Variants in PLA2G4E observed in about 807,000 individuals in gnomAD.
The protein encoded by PLA2G4E is phospholipase A2 group IVE.
PLA2G4E carries 84 observed loss-of-function variants against 109.1 expected under a neutral mutation model. The ratio of observed to expected loss-of-function variants is 0.77; its 90% CI spans 0.65 to 0.92. The LOEUF is 0.92. Ranked by LOEUF, PLA2G4E falls within the 40% of genes least tolerant of loss-of-function variation. PLA2G4E has a pLI of 0.00. For synonymous variants in PLA2G4E, 469 were observed against 436.1 expected, an observed-to-expected ratio of 1.08 and a Z score of -0.94; for missense variants, 1,057 against 1,076.6, an observed-to-expected ratio of 0.98 and a Z score of 0.25.
At chr15:42,004,946 C>T in exon 5 of PLA2G4E, 1 of 1,613,278 alleles carries the variant, frequency 6.2e-7, no homozygotes, top group South Asian at 1.1e-5. Flanking sequence ...ACCTCTCCTC[C>T]AGCAGGAACT....
chr15:42,001,213 T>C lies in PLA2G4E; in HGVS notation c.617A>G (p.Gln206Arg), dbSNP rs774500946. 8 of 1,613,112 alleles carry C rather than the reference T, an allele frequency of 5.0e-6. No individual in the cohort carries two copies. In the Admixed American group the frequency reaches 1.2e-4, roughly 24 times the overall value. The stretch of plus-strand genomic sequence containing the variant: ...TGCATGAACCTCCAGGCAGGAGACT[T>C]GTCGAGACTGTAAAAAACAAAGGAG... The change falls in exon 7 of 20, where the codon CAA becomes CGA. Residue 206 changes from glutamine to arginine, a missense_variant. Gln to Arg is a conservative substitution (Grantham distance 43). Coordinates refer to ENST00000399518, the Ensembl canonical transcript of PLA2G4E.
chr15:41,989,574 G>A (rs1271815809), intron 14 of PLA2G4E, 22 bp from the exon 15 acceptor site: 7 of 1,607,442 alleles, frequency 4.4e-6, no homozygotes, highest in Admixed American at 1.7e-5. Flanking sequence ...GCAGCAGGAC[G>A]GGGGTCAGTC....
chr15:42,018,502 T>C (rs1418548211), intron 1 of PLA2G4E, among the ~76,000 whole-genome samples: 1 of 152,042 alleles, frequency 6.6e-6, no homozygotes, highest in Non-Finnish European at 1.5e-5. Context: ...CATTCATCCT[T>C]CATGAGGGCA....
chr15:41,991,322 T>C (rs764662832), intron 13 of PLA2G4E, among the ~76,000 whole-genome samples: 2 of 152,236 alleles, frequency 1.3e-5, no homozygotes, highest in African/African-American at 4.8e-5. Context: ...CCTCATCATA[T>C]GCGGCACTCA....
intron 13 of PLA2G4E, among the ~76,000 whole-genome samples, chr15:41,991,165 A>G (rs1379888257): frequency 1.3e-5 from 2 of 152,150 alleles, no homozygotes; most frequent in African/African-American, 4.8e-5. Context: ...AGGTGGCCCA[A>G]GGGAAAGGGG....
chr15:42,008,542 C>A (rs2068500897), intron 2 of PLA2G4E, among the ~76,000 whole-genome samples: 1 of 152,234 alleles, frequency 6.6e-6, no homozygotes, highest in Non-Finnish European at 1.5e-5. Context: ...TCTAAATGAA[C>A]AACCCAAGTG....
chr15:41,989,753 C>A (rs192108714), intron 14 of PLA2G4E, among the ~76,000 whole-genome samples: 2 of 152,314 alleles, frequency 1.3e-5, no homozygotes, highest in East Asian at 3.9e-4. Flanking sequence ...CCATGCTTTG[C>A]AAGGAGGATG....
At position 42,001,217 on chromosome 15, in the gene PLA2G4E, G is replaced by A. The variant is rs775743438; in HGVS notation, c.613C>T (p.Arg205Ter). The A allele has an allele frequency of 1.9e-5, 31 of 1,612,948 alleles. No individual in the cohort carries two copies. The Middle Eastern group carries it at 2.6e-3, about 137-fold the overall frequency. Residue 205 changes from arginine (R) to a stop codon, truncating the protein, a stop_gained, in exon 7 of 20, where the codon CGA (arginine) becomes TGA (stop). Coordinates refer to ENST00000399518, the Ensembl canonical transcript of PLA2G4E. LOFTEE classifies it high-confidence loss of function. ...TGAACCTCCAGGCAGGAGACTTGTCGAGACTGTAAAAAACAAAGGAGGGTC... is the reference window on the plus strand; with the variant it reads ...TGAACCTCCAGGCAGGAGACTTGTCAAGACTGTAAAAAACAAAGGAGGGTC...
rs765901945 is a variant in PLA2G4E at position 41,989,601 on chromosome 15, T to G, written c.1586-49A>C. ...GGGTCAGTCTCAGGCCAGGGAGCCG[T>G]CCACACAGCCGGGCCCCCCTCCTGC... On this transcript the variant is annotated intron_variant, in intron 14 of 19. Transcript: ENST00000399518. 3 of 1,574,104 alleles carry G rather than the reference T, an allele frequency of 1.9e-6. No homozygotes were observed. In the African/African-American group the frequency reaches 4.1e-5, roughly 21 times the overall value.
At chr15:42,003,593 T>C (rs984758874) in intron 5 of PLA2G4E, among the ~76,000 whole-genome samples, 4 of 152,252 alleles carry the variant, frequency 2.6e-5, no homozygotes, top group African/African-American at 7.2e-5. Context: ...TTTTCTTCAA[T>C]GTTAAGTAAA....
intron 1 of PLA2G4E, among the ~76,000 whole-genome samples, chr15:42,037,061 G>A (rs925999335): frequency 6.6e-6 from 1 of 152,242 alleles, no homozygotes; most frequent in South Asian, 2.1e-4. Flanking sequence ...CAGACTTTGG[G>A]TGCCAACGAG....
intron 13 of PLA2G4E, among the ~76,000 whole-genome samples, chr15:41,992,434 C>T (rs972676374): frequency 4.6e-5 from 7 of 152,214 alleles, no homozygotes; most frequent in African/African-American, 7.2e-5. Flanking sequence ...CAGTCTTCCC[C>T]GGCTTCCTCC....
At chr15:42,029,132 C>T (rs990017465) in intron 1 of PLA2G4E, among the ~76,000 whole-genome samples, 1 of 152,136 alleles carries the variant, frequency 6.6e-6, no homozygotes, top group African/African-American at 2.4e-5. Context: ...CGCTCTGTTG[C>T]CCAGACTGGA....
intron 1 of PLA2G4E, among the ~76,000 whole-genome samples, chr15:42,024,328 C>T (rs569281798): frequency 3.9e-5 from 6 of 152,270 alleles, no homozygotes; most frequent in East Asian, 3.9e-4. Context: ...CTTGTCTCTG[C>T]AGCAAGGGGA....
chr15:42,033,805 G>A (rs1451432957), intron 1 of PLA2G4E, among the ~76,000 whole-genome samples: 1 of 152,342 alleles, frequency 6.6e-6, no homozygotes, highest in East Asian at 1.9e-4. Flanking sequence ...GCCCTGGGTG[G>A]AGTGGGCCCT....
At chr15:42,024,743 C>T (rs930010549) in intron 1 of PLA2G4E, among the ~76,000 whole-genome samples, 7 of 152,160 alleles carry the variant, frequency 4.6e-5, no homozygotes, top group Admixed American at 2.0e-4. Context: ...TTCAACCTCT[C>T]GTTCTTCTGC....
intron 17 of PLA2G4E, among the ~76,000 whole-genome samples, chr15:41,986,302 G>C (rs2068140857): frequency 6.6e-6 from 1 of 152,206 alleles, no homozygotes; most frequent in Non-Finnish European, 1.5e-5. Flanking sequence ...AGATGGTGAG[G>C]ATGAGGCTTA....
intron 6 of PLA2G4E, among the ~76,000 whole-genome samples, chr15:42,002,259 T>G (rs1283564533): frequency 1.1e-5 from 1 of 89,856 alleles, no homozygotes; most frequent in Non-Finnish European, 2.0e-5. Context: ...AGTGAGACCT[T>G]GTCTCAAAAA....
intron 1 of PLA2G4E, among the ~76,000 whole-genome samples, chr15:42,014,370 G>A (rs532254318): frequency 6.6e-6 from 1 of 152,324 alleles, no homozygotes; most frequent in East Asian, 1.9e-4. Context: ...GTGAATGAAT[G>A]TTCCAGCCCC....
Sources: gnomAD v4.1 joint callset for allele counts (sites outside exome capture counted in the v4.1 genomes callset) on GRCh38, gnomAD v4.1.1 for gene constraint, MANE v1.5 for transcripts, NCBI Gene and HGNC (gene_info 2026-07-23, HGNC 2026-07-21) for gene names.